Variants in CXCL12 observed in about 807,000 individuals in gnomAD.
CXCL12 encodes the protein stromal cell-derived factor 1.
CXCL12 carries 4 observed loss-of-function variants against 10.7 expected under a neutral mutation model. That is an observed-to-expected ratio of 0.37 (90% CI 0.18 to 0.86). The LOEUF (loss-of-function observed/expected upper bound fraction) is 0.86. CXCL12 is among the 40% of genes least tolerant of loss of function. The pLI, the probability that CXCL12 is intolerant of heterozygous loss-of-function variation, is 0.43. For missense variants in CXCL12, 122 were observed against 110.4 expected, an observed-to-expected ratio of 1.10 and a Z score of -0.47; for synonymous variants, 54 against 45.4, an observed-to-expected ratio of 1.19 and a Z score of -0.77.
chr10:44,373,017 C>A (rs12258838), downstream of CXCL12: 1 of 1,536,042 alleles, frequency 6.5e-7, no homozygotes, highest in Non-Finnish European at 8.7e-7. Flanking sequence ...TCAGAGAATA[C>A]AAAACCCAGG....
In CXCL12 at chr10:44,378,703, T is replaced by C. The variant is rs756265621; in HGVS notation, c.200A>G (p.Asn67Ser). Residue 67 changes from asparagine (N) to serine (S), a missense_variant, in exon 3 of 3, where the codon AAC (asparagine) becomes AGC (serine). Coordinates refer to ENST00000343575, the MANE Select transcript of CXCL12 (RefSeq NM_199168.4). Reference sequence around the variant, plus strand: ...CTTCGGGTCAATGCACACTTGTCTGTTGTTGTTCTTCAGCCGGGCTCTGTG... The same window carrying C: ...CTTCGGGTCAATGCACACTTGTCTGCTGTTGTTCTTCAGCCGGGCTCTGTG... ...LQIVARLKNN[N>S]RQVCIDPKLK... 19 of 1,614,030 alleles carry C rather than the reference T, an allele frequency of 1.2e-5. No individual in the cohort carries two copies. The highest frequency in any genetic ancestry group is 1.5e-5 in the Non-Finnish European group (18 of 1,179,972).
At chr10:44,384,610 G>C (rs945829626) in intron 1 of CXCL12, among the ~76,000 whole-genome samples, 3 of 152,236 alleles carry the variant, frequency 2.0e-5, no homozygotes, top group African/African-American at 7.2e-5. Flanking sequence ...GGGTGGGCAG[G>C]CAGGGGTCTG....
downstream of CXCL12, chr10:44,373,164 T>C: frequency 6.5e-7 from 1 of 1,539,080 alleles, no homozygotes; most frequent in Middle Eastern, 1.7e-4. Flanking sequence ...GTCATGTATT[T>C]TGCTACATAA....
In CXCL12 at chr10:44,377,385, C is replaced by G. The variant is rs1259461501; in HGVS notation, c.*1248G>C. 1.8e-5 allele frequency: 19 copies of G among 1,076,462 alleles called. No homozygotes were observed. Among genetic ancestry groups the G allele is most frequent in the Non-Finnish European group, 2.0e-5 (18 of 886,288 alleles). The allele number at this position is 1,076,462 out of a possible 1,614,324, so 66.7% of individuals were successfully genotyped here. On this transcript the variant is annotated 3_prime_UTR_variant, in exon 3 of 3. Coordinates refer to ENST00000343575, the MANE Select transcript of CXCL12 (RefSeq NM_199168.4). Reference sequence around the variant, plus strand: ...ATATATTTTGAAATACATTTGTTTTCTAAAGAAACGTAAAAAAAAATGTGC... The same window carrying G: ...ATATATTTTGAAATACATTTGTTTTGTAAAGAAACGTAAAAAAAAATGTGC...
chr10:44,377,683 C>T lies in CXCL12; in HGVS notation c.*950G>A, dbSNP rs1313042545. ...ACAAAACCCAGTCACTCAAAGCGAG[C>T]TCTCAGATTTAAAATTGCATTTGAT... On this transcript the variant is annotated 3_prime_UTR_variant, in exon 3 of 3. Coordinates refer to ENST00000343575, the MANE Select transcript of CXCL12 (RefSeq NM_199168.4). The T allele has an allele frequency of 1.4e-5, 22 of 1,586,968 alleles. No individual in the cohort carries two copies. Among genetic ancestry groups the T allele is most frequent in the Non-Finnish European group, 1.7e-5 (20 of 1,174,610 alleles).
intron 1 of CXCL12, among the ~76,000 whole-genome samples, chr10:44,381,736 T>G (rs958052204): frequency 1.3e-5 from 2 of 152,356 alleles, no homozygotes; most frequent in South Asian, 4.1e-4. Context: ...GGGATTTGTG[T>G]GTGCTTTTTG....
Position 44,380,006 on chromosome 10 carries a change from C to A in CXCL12, c.179+757G>T, listed in dbSNP as rs546113700. On this transcript the variant is annotated intron_variant, in intron 2 of 2. Transcript: ENST00000343575. ...TTGGTTCCAACTGCTGTCTCCCCAC[C>A]CCATTTTTAGCACTAGAACTTCTGA... Among the ~76,000 whole-genome samples, 30 of 152,252 alleles carry A rather than the reference C, an allele frequency of 2.0e-4. No homozygotes were observed. In the South Asian group the frequency reaches 4.0e-3, roughly 20 times the overall value.
chr10:44,384,802 A>C, intron 1 of CXCL12, 143 bp downstream of exon 1: 1 of 763,888 alleles, frequency 1.3e-6, no homozygotes, highest in Non-Finnish European at 2.0e-6. Flanking sequence ...ACCGCACCAG[A>C]GCGCCCAGCT....
downstream of CXCL12, chr10:44,373,261 G>T (rs1423398012): frequency 1.3e-6 from 2 of 1,578,568 alleles, no homozygotes; most frequent in Admixed American, 1.8e-5. Flanking sequence ...GCTGTGGCAG[G>T]CCCTTCCCTA....
In CXCL12 at chr10:44,385,014, CGG is replaced by C; in HGVS notation, c.-11_-10del. On this transcript the variant is annotated 5_prime_UTR_variant, in exon 1 of 3. Coordinates refer to ENST00000343575, the MANE Select transcript of CXCL12 (RefSeq NM_199168.4). ...ACGACCTTGGCGTTCATGGCGCGGG[CGG>C]GCGGGCGGGCGGGCGGACGAGCGCG... The C allele has an allele frequency of 1.2e-5, 1 of 83,852 alleles. No homozygotes were observed. The allele number at this position is 83,852 out of a possible 1,614,324, so 5.2% of individuals were successfully genotyped here.
Position 44,380,656 on chromosome 10 carries a change from A to C in CXCL12, c.179+107T>G. On this transcript the variant is annotated intron_variant, in intron 2 of 2. Coordinates refer to ENST00000343575, the MANE Select transcript of CXCL12 (RefSeq NM_199168.4). ...CTAATTATGCCAAGTTCAAGGTTGG[A>C]CACTTGGCTTGTCACCTCTACACCT... is the stretch of plus-strand genomic sequence containing the variant. 8.6e-6 allele frequency: 8 copies of C among 934,898 alleles called. 1 individual carries two copies. In the South Asian group the frequency reaches 1.1e-4, roughly 13 times the overall value. The allele number at this position is 934,898 out of a possible 1,614,324, so 57.9% of individuals were successfully genotyped here.
chr10:44,371,493 C>T (rs1053089839), downstream of CXCL12: 1 of 240,248 alleles, frequency 4.2e-6, no homozygotes, highest in Middle Eastern at 1.5e-3. Flanking sequence ...ATCTTTATAA[C>T]TAGTAAAGAT....
chr10:44,370,714 G>A (rs2132034022), exon 4 of CXCL12: 1 of 152,406 alleles, frequency 6.6e-6, no homozygotes, highest in East Asian at 1.9e-4. Flanking sequence ...CTAAGGTTGG[G>A]GGAGGTGCAA....
At chr10:44,382,229 T>A (rs1839653886) in intron 1 of CXCL12, among the ~76,000 whole-genome samples, 1 of 151,282 alleles carries the variant, frequency 6.6e-6, no homozygotes, top group Admixed American at 6.6e-5. Context: ...ACACCTGATC[T>A]AACTCCAGAA....
Position 44,377,489 on chromosome 10 carries a change from G to T in CXCL12, c.*1144C>A. 1 of 1,339,924 alleles carries T rather than the reference G, an allele frequency of 7.5e-7. No individual in the cohort carries two copies. Among genetic ancestry groups the T allele is most frequent in the South Asian group, 1.7e-5 (1 of 59,484 alleles). The allele number at this position is 1,339,924 out of a possible 1,614,324, so 83.0% of individuals were successfully genotyped here. A position where few individuals can be genotyped will look rare whatever the true frequency, so the allele number is the denominator to read the frequency against. ...CCTTCTGTGGATCGCATTTATGCAT[G>T]GAAATGTCACCTTGCCAACAGTTCT... On this transcript the variant is annotated 3_prime_UTR_variant, in exon 3 of 3. Transcript: ENST00000343575.
At chr10:44,381,971 G>A (rs900557862) in intron 1 of CXCL12, among the ~76,000 whole-genome samples, 2 of 152,158 alleles carry the variant, frequency 1.3e-5, no homozygotes, top group Non-Finnish European at 2.9e-5. Flanking sequence ...GGGGAAGTAG[G>A]AGGAAATCTT....
intron 1 of CXCL12, among the ~76,000 whole-genome samples, chr10:44,382,794 T>C (rs1481014962): frequency 6.6e-6 from 1 of 152,210 alleles, no homozygotes; most frequent in African/African-American, 2.4e-5. Flanking sequence ...ACAGGTCTTT[T>C]TAAAGTGACA....
At chr10:44,380,971 G>A (rs1164575120) in intron 1 of CXCL12, 91 bp from the exon 2 acceptor site, 1 of 1,028,278 alleles carries the variant, frequency 9.7e-7, no homozygotes, top group East Asian at 2.4e-5. Context: ...CAGCGATTAA[G>A]GATCAAGAGA....
At chr10:44,381,877 TTC>T (rs1258240761) in intron 1 of CXCL12, among the ~76,000 whole-genome samples, 3 of 152,228 alleles carry the variant, frequency 2.0e-5, no homozygotes, top group African/African-American at 7.2e-5. Context: ...TTTTTCTTTT[TTC>T]TTTTTTTTTA....
Sources: allele counts gnomAD v4.1 joint callset (sites outside exome capture counted in the v4.1 genomes callset), GRCh38; gene constraint gnomAD v4.1.1; transcripts MANE v1.5; gene names NCBI Gene and HGNC (gene_info 2026-07-23, HGNC 2026-07-21).